Variants in HSF2BP observed in about 807,000 individuals in gnomAD.
HSF2BP encodes heat shock transcription factor 2 binding protein.
In HSF2BP, 35 loss-of-function variants were observed where a neutral mutation model predicts 35.0. That is an observed-to-expected ratio of 1.00 (90% confidence interval 0.76 to 1.32). The LOEUF is 1.32. HSF2BP is among the 40% of genes most tolerant of loss of function. The pLI, the probability that HSF2BP is intolerant of heterozygous loss-of-function variation, is 0.00. For missense variants in HSF2BP, 326 were observed against 321.7 expected, an observed-to-expected ratio of 1.01 and a Z score of -0.10; for synonymous variants, 114 against 117.4, an observed-to-expected ratio of 0.97 and a Z score of 0.18.
At chr21:43,583,898 A>AG (rs558247037) in intron 8 of HSF2BP, among the ~76,000 whole-genome samples, 55 of 102,562 alleles carry the variant, frequency 5.4e-4, no homozygotes, top group Middle Eastern at 0.01. Flanking sequence ...AGGGAGATGA[A>AG]GACCTGCTGA....
At chr21:43,577,108 C>G (rs1367825972) in intron 8 of HSF2BP, among the ~76,000 whole-genome samples, 2 of 152,202 alleles carry the variant, frequency 1.3e-5, no homozygotes, top group African/African-American at 2.4e-5. Context: ...CACTCCACCA[C>G]CCCATCCCTC....
intron 6 of HSF2BP, among the ~76,000 whole-genome samples, chr21:43,615,868 T>C (rs1486866458): frequency 1.3e-5 from 2 of 151,976 alleles, no homozygotes. Context: ...CTTCAGATAA[T>C]ATACTGAAAC....
chr21:43,631,254 G>A (rs1488749122), intron 5 of HSF2BP, among the ~76,000 whole-genome samples: 1 of 152,068 alleles, frequency 6.6e-6, no homozygotes, highest in Non-Finnish European at 1.5e-5. Flanking sequence ...TTTCTCACTG[G>A]TTTCCTGCCA....
chr21:43,632,666 C>T (rs373302867), intron 5 of HSF2BP, among the ~76,000 whole-genome samples: 70 of 152,290 alleles, frequency 4.6e-4, no homozygotes, highest in African/African-American at 1.5e-3. Context: ...CCTCTTCCTC[C>T]TCCTCTTCAG....
chr21:43,631,328 G>A (rs971798508), intron 5 of HSF2BP, among the ~76,000 whole-genome samples: 5 of 152,058 alleles, frequency 3.3e-5, no homozygotes, highest in East Asian at 1.9e-4. Flanking sequence ...GTCAAACACC[G>A]ATCTTTTTTG....
intron 2 of HSF2BP, among the ~76,000 whole-genome samples, chr21:43,656,958 TAAG>T (rs1223201101): frequency 6.6e-6 from 1 of 152,174 alleles, no homozygotes; most frequent in Non-Finnish European, 1.5e-5. Context: ...TTAAAAATAA[TAAG>T]GACAAACAGG....
At chr21:43,614,053 G>T in intron 6 of HSF2BP, 106 bp from the exon 7 acceptor site, 1 of 789,244 alleles carries the variant, frequency 1.3e-6, no homozygotes. Context: ...TGAAAACACA[G>T]CTGAAAATGA....
intron 8 of HSF2BP, among the ~76,000 whole-genome samples, chr21:43,587,782 G>A (rs954152481): frequency 2.0e-5 from 3 of 151,840 alleles, no homozygotes; most frequent in Admixed American, 6.6e-5. Flanking sequence ...GCTTAAGCAG[G>A]AAAAGTCCAC....
intron 6 of HSF2BP, among the ~76,000 whole-genome samples, chr21:43,625,584 G>A (rs1487917721): frequency 6.6e-6 from 1 of 151,988 alleles, no homozygotes; most frequent in Admixed American, 6.6e-5. Flanking sequence ...TGAATTCACT[G>A]TATGTAAAAT....
chr21:43,616,859 A>T (rs1169336110), intron 6 of HSF2BP, among the ~76,000 whole-genome samples: 2 of 151,896 alleles, frequency 1.3e-5, no homozygotes, highest in Non-Finnish European at 2.9e-5. Context: ...TGAACCTGGG[A>T]GGCAGAGTTT....
At chr21:43,595,400 T>G (rs2081972030) in intron 7 of HSF2BP, among the ~76,000 whole-genome samples, 1 of 152,016 alleles carries the variant, frequency 6.6e-6, no homozygotes, top group South Asian at 2.1e-4. Context: ...GGCTCAGGCT[T>G]ATCATCACAA....
intron 6 of HSF2BP, among the ~76,000 whole-genome samples, chr21:43,619,441 T>C (rs2082307637): frequency 6.6e-6 from 1 of 152,102 alleles, no homozygotes; most frequent in Non-Finnish European, 1.5e-5. Flanking sequence ...AAAACGAACA[T>C]ACAGCAGCTC....
intron 6 of HSF2BP, among the ~76,000 whole-genome samples, chr21:43,619,012 C>T (rs575844582): frequency 6.6e-5 from 10 of 151,814 alleles, no homozygotes; most frequent in Non-Finnish European, 1.5e-4. Context: ...TTGAATCTTA[C>T]GCTGTCACCT....
At chr21:43,624,150 C>A (rs2082362793) in intron 6 of HSF2BP, among the ~76,000 whole-genome samples, 1 of 152,196 alleles carries the variant, frequency 6.6e-6, no homozygotes, top group South Asian at 2.1e-4. Context: ...CCCAGAAAAA[C>A]TGAAACATAC....
chr21:43,658,988 C>T (rs989189428), intron 1 of HSF2BP, among the ~76,000 whole-genome samples: 1 of 152,188 alleles, frequency 6.6e-6, no homozygotes, highest in Non-Finnish European at 1.5e-5. Flanking sequence ...ACGAGGTGTG[C>T]TAAATGGGAT....
At chr21:43,616,707 G>C (rs1235701312) in intron 6 of HSF2BP, among the ~76,000 whole-genome samples, 1 of 152,180 alleles carries the variant, frequency 6.6e-6, no homozygotes, top group African/African-American at 2.4e-5. Flanking sequence ...GCCGAGGTGG[G>C]CGGATCACGC....
At chr21:43,645,352 T>C (rs929583272) in intron 3 of HSF2BP, among the ~76,000 whole-genome samples, 1 of 152,184 alleles carries the variant, frequency 6.6e-6, no homozygotes, top group Non-Finnish European at 1.5e-5. Context: ...TTCTAACAAG[T>C]TCCCAGATGA....
At chr21:43,580,030 T>C (rs1475860896) in intron 8 of HSF2BP, among the ~76,000 whole-genome samples, 1 of 152,180 alleles carries the variant, frequency 6.6e-6, no homozygotes, top group Non-Finnish European at 1.5e-5. Context: ...GTCTCCTAGC[T>C]CAGGGCTCTC....
intron 3 of HSF2BP, among the ~76,000 whole-genome samples, chr21:43,654,585 G>C (rs781474644): frequency 3.3e-5 from 5 of 152,084 alleles, no homozygotes; most frequent in African/African-American, 1.2e-4. Flanking sequence ...TCACTGCAAA[G>C]AGCCATAAAC....
Sources: allele counts gnomAD v4.1 joint callset (sites outside exome capture counted in the v4.1 genomes callset), GRCh38; gene constraint gnomAD v4.1.1; transcripts MANE v1.5; gene names NCBI Gene and HGNC (gene_info 2026-07-23, HGNC 2026-07-21).